Variants in NT5E observed in about 807,000 individuals in gnomAD.
NT5E encodes 5'-nucleotidase.
NT5E carries 53 observed loss-of-function variants against 55.1 expected under a neutral mutation model. That is an observed-to-expected ratio of 0.96 (90% CI 0.77 to 1.21). The LOEUF is 1.21. Ranked by LOEUF, NT5E falls within the 50% of genes most tolerant of loss-of-function variation. The pLI is 0.00. For synonymous variants in NT5E, 270 were observed against 278.4 expected, an observed-to-expected ratio of 0.97 and a Z score of 0.30; for missense variants, 683 against 724.3, an observed-to-expected ratio of 0.94 and a Z score of 0.65.
chr6:85,457,788 A>G (rs1356599936), intron 1 of NT5E, among the ~76,000 whole-genome samples: 2 of 152,194 alleles, frequency 1.3e-5, no homozygotes, highest in African/African-American at 2.4e-5. Context: ...AGTGCTGAGG[A>G]TAGCGATCAG....
In NT5E at chr6:85,490,658, G is replaced by T; in HGVS notation, c.1360+1G>T. The T allele has an allele frequency of 6.2e-7, 1 of 1,613,856 alleles. No homozygotes were observed. The highest frequency in any genetic ancestry group is 1.1e-5 in the South Asian group (1 of 91,070). On this transcript the variant is annotated splice_donor_variant, in intron 7 of 8. Transcript: ENST00000257770. LOFTEE classifies it high-confidence loss of function. Reference sequence around the variant, plus strand: ...ACTGGAGAGTTCCTGCAGGTGGGCGGTAAGTCACCCATCCTGTAGGGCTGG... The same window carrying T: ...ACTGGAGAGTTCCTGCAGGTGGGCGTTAAGTCACCCATCCTGTAGGGCTGG...
chr6:85,483,807 A>G (rs921597542), intron 3 of NT5E, among the ~76,000 whole-genome samples: 1 of 152,132 alleles, frequency 6.6e-6, no homozygotes, highest in African/African-American at 2.4e-5. Flanking sequence ...AAAGATGCAA[A>G]TCCTGGGTTT....
At chr6:85,455,487 C>T (rs543638868) in intron 1 of NT5E, among the ~76,000 whole-genome samples, 1 of 152,338 alleles carries the variant, frequency 6.6e-6, no homozygotes, top group Non-Finnish European at 1.5e-5. Context: ...AGGGTGCACA[C>T]CCAGGTAGGG....
At chr6:85,473,478 T>A (rs1769362418) in intron 3 of NT5E, among the ~76,000 whole-genome samples, 1 of 152,172 alleles carries the variant, frequency 6.6e-6, no homozygotes. Flanking sequence ...GGACACACAG[T>A]GGGAGCTAGA....
At chr6:85,471,559 TG>T in intron 3 of NT5E, 134 bp downstream of exon 3, 5 of 474,892 alleles carry the variant, frequency 1.1e-5, no homozygotes, top group Non-Finnish European at 1.8e-5. Flanking sequence ...ATAATATATA[TG>T]TAATATACAT....
chr6:85,492,130 G>A lies in NT5E; in HGVS notation c.1514G>A (p.Gly505Glu). The change falls in exon 8 of 9, where the codon GGA becomes GAA. Residue 505 changes from glycine (G) to glutamate (E), a missense_variant. Gly to Glu is a moderately conservative substitution (Grantham distance 98, BLOSUM62 -2). Coordinates refer to ENST00000257770, the MANE Select transcript of NT5E (RefSeq NM_002526.4). ...CTCCCAAACTTCCTGGCCAATGGTG[G>A]AGATGGGTTCCAGATGATAAAAGAT... ...VILPNFLANG[G>E]DGFQMIKDEL... 2 of 1,614,160 alleles carry A rather than the reference G, an allele frequency of 1.2e-6. No homozygotes were observed. Among genetic ancestry groups the A allele is most frequent in the Non-Finnish European group, 1.7e-6 (2 of 1,180,006 alleles).
rs780927691 is a variant in NT5E at position 85,467,071 on chromosome 6, T to A, written c.351T>A (p.Asn117Lys). Residue 117 changes from asparagine to lysine, a missense_variant, in exon 2 of 9, where the codon AAT (asparagine) becomes AAA (lysine). Asn to Lys is a moderately conservative substitution (Grantham distance 94, BLOSUM62 0). Transcript: ENST00000257770. ...ALRYDAMALGNHEFDNGVEGL... is the reference protein window; with the variant it reads ...ALRYDAMALGKHEFDNGVEGL... The stretch of plus-strand genomic sequence containing the variant: ...TCTGTTTTATCTAGGCACTGGGAAA[T>A]CATGAATTTGATAATGGTGTGGAAG... 6.2e-7 allele frequency: 1 copy of A among 1,614,050 alleles called. No homozygotes were observed. Among genetic ancestry groups the A allele is most frequent in the Admixed American group, 1.7e-5 (1 of 60,020 alleles).
At position 85,450,345 on chromosome 6, in the gene NT5E, A is replaced by C; in HGVS notation, c.206A>C (p.Gln69Pro). Residue 69 changes from glutamine (Q) to proline (P), a missense_variant, in exon 1 of 9, where the codon CAG becomes CCG. Gln to Pro is a moderately conservative substitution (Grantham distance 76, BLOSUM62 -1). Transcript: ENST00000257770. The surrounding 1 kb of genome is among the most constrained non-coding windows in gnomAD (Gnocchi z 4.0). ...GGVARLFTKV[Q>P]QIRRAEPNVL... is the part of the protein sequence containing the mutation. ...GTGGCTCGGCTCTTCACCAAGGTTC[A>C]GCAGATCCGCCGCGCCGAACCCAAC... The C allele has an allele frequency of 6.3e-7, 1 of 1,595,724 alleles. No homozygotes were observed. The highest frequency in any genetic ancestry group is 8.5e-7 in the Non-Finnish European group (1 of 1,172,536).
At chr6:85,489,724 C>G in intron 6 of NT5E, 125 bp downstream of exon 6, 1 of 729,816 alleles carries the variant, frequency 1.4e-6, no homozygotes, top group South Asian at 1.5e-5. Flanking sequence ...AGCCATGTAC[C>G]AGAATGTCAG....
rs1314491849 is a variant in NT5E at position 85,492,137 on chromosome 6, G to C, written c.1521G>C (p.Gly507=). 6.2e-7 allele frequency: 1 copy of C among 1,614,158 alleles called. No homozygotes were observed. ...LPNFLANGGD[G]FQMIKDELLR... ...ACTTCCTGGCCAATGGTGGAGATGG[G>C]TTCCAGATGATAAAAGATGAATTAT... is the stretch of plus-strand genomic sequence containing the variant. Residue 507 remains glycine (G), a synonymous_variant, in exon 8 of 9, where the codon GGG becomes GGC. Transcript: ENST00000257770.
intron 1 of NT5E, among the ~76,000 whole-genome samples, chr6:85,456,236 C>A (rs1768988031): frequency 6.6e-6 from 1 of 152,146 alleles, no homozygotes; most frequent in South Asian, 2.1e-4. Context: ...GGAAGCTTTG[C>A]CCATCCACTC....
intron 2 of NT5E, among the ~76,000 whole-genome samples, chr6:85,468,959 G>A (rs1769249331): frequency 1.3e-5 from 2 of 152,156 alleles, no homozygotes. Context: ...GAAAGGGATG[G>A]GGTGGAATAG....
intron 6 of NT5E, among the ~76,000 whole-genome samples, chr6:85,489,934 G>A (rs893117828): frequency 1.1e-4 from 17 of 152,020 alleles, no homozygotes; most frequent in African/African-American, 4.1e-4. Context: ...TCACCACCTT[G>A]GCATCTGAAA....
intron 1 of NT5E, among the ~76,000 whole-genome samples, chr6:85,457,855 C>T (rs370410878): frequency 5.3e-5 from 8 of 152,110 alleles, no homozygotes; most frequent in African/African-American, 1.2e-4. Context: ...AATGGCCATT[C>T]GAGTTCCTCT....
chr6:85,490,663 T>C lies in NT5E; in HGVS notation c.1360+6T>C. ...AGAGTTCCTGCAGGTGGGCGGTAAG[T>C]CACCCATCCTGTAGGGCTGGCCCAT... is the stretch of plus-strand genomic sequence containing the variant. On this transcript the variant is annotated splice_donor_region_variant and intron_variant, in intron 7 of 8. Coordinates refer to ENST00000257770, the MANE Select transcript of NT5E (RefSeq NM_002526.4). 6.8e-6 allele frequency: 11 copies of C among 1,613,766 alleles called. No homozygotes were observed. The highest frequency in any genetic ancestry group is 9.3e-6 in the Non-Finnish European group (11 of 1,179,980).
intron 8 of NT5E, among the ~76,000 whole-genome samples, chr6:85,492,707 C>G (rs1257960800): frequency 1.3e-5 from 2 of 152,146 alleles, no homozygotes; most frequent in African/African-American, 4.8e-5. Flanking sequence ...ATGCCAGCCT[C>G]ACTTTTAGAA....
At chr6:85,475,423 C>T (rs1769410570) in intron 3 of NT5E, among the ~76,000 whole-genome samples, 1 of 152,180 alleles carries the variant, frequency 6.6e-6, no homozygotes, top group Non-Finnish European at 1.5e-5. Flanking sequence ...TTTCCAAGTA[C>T]CATGCATATG....
chr6:85,478,399 G>A (rs954051705), intron 3 of NT5E, among the ~76,000 whole-genome samples: 3 of 152,224 alleles, frequency 2.0e-5, no homozygotes, highest in East Asian at 1.9e-4. Context: ...TCATAGGTAC[G>A]AATCTCTTAC....
chr6:85,489,711 G>C, intron 6 of NT5E, 112 bp downstream of exon 6: 1 of 771,300 alleles, frequency 1.3e-6, no homozygotes. Flanking sequence ...CATCTCTGCT[G>C]CCAGCCATGT....
Sources: allele counts gnomAD v4.1 joint callset (sites outside exome capture counted in the v4.1 genomes callset), GRCh38; gene constraint gnomAD v4.1.1; non-coding constraint Gnocchi (gnomAD v3.1); transcripts MANE v1.5; gene names NCBI Gene and HGNC (gene_info 2026-07-23, HGNC 2026-07-21).